The following RUFY2 variants were observed in gnomAD, a reference collection of about 807,000 sequenced individuals.
RUFY2 encodes RUN and FYVE domain containing 2.
RUFY2 carries 49 observed loss-of-function variants against 94.4 expected under a neutral mutation model. The observed-to-expected ratio is 0.52, with a 90% CI of 0.41 to 0.66. The LOEUF (loss-of-function observed/expected upper bound fraction) is 0.66, where lower values mean the gene tolerates loss of function less well. Among genes scored for constraint, RUFY2 ranks in the 30% least tolerant of loss-of-function variants. The probability of loss-of-function intolerance (pLI) is 0.00; values close to 1 mark genes in which losing one functional copy is unlikely to be tolerated. For missense variants in RUFY2, 541 were observed against 692.8 expected, an observed-to-expected ratio of 0.78 and a Z score of 2.46; for synonymous variants, 255 against 235.7, an observed-to-expected ratio of 1.08 and a Z score of -0.75.
downstream of RUFY2, chr10:68,341,271 A>G: frequency 6.2e-7 from 1 of 1,605,758 alleles, no homozygotes. Context: ...ACACATGAAG[A>G]TGCAGTAGCT....
chr10:68,407,019 C>A, intron 1 of RUFY2, 167 bp downstream of exon 1: 2 of 1,486,968 alleles, frequency 1.3e-6, no homozygotes, highest in African/African-American at 1.4e-5. Flanking sequence ...GCCATGACGA[C>A]CCCGGGAGCC....
chr10:68,405,184 G>GCGGCTGTAGTCCCAGCTACT (rs2051177644), intron 1 of RUFY2, among the ~76,000 whole-genome samples: 1 of 151,898 alleles, frequency 6.6e-6, no homozygotes, highest in African/African-American at 2.4e-5. Context: ...ATGGTGGTGC[G>GCGGCTGTAGTCCCAGCTACT]CGGCTGTAGT....
chr10:68,406,069 G>A (rs1390567255), intron 1 of RUFY2, among the ~76,000 whole-genome samples: 1 of 151,874 alleles, frequency 6.6e-6, no homozygotes, highest in Non-Finnish European at 1.5e-5. Context: ...AAACACAGAT[G>A]ACAAAACTAA....
At chr10:68,394,169 G>C in intron 5 of RUFY2, 33 bp from the exon 6 acceptor site, 1 of 1,481,232 alleles carries the variant, frequency 6.8e-7, no homozygotes, top group Non-Finnish European at 9.0e-7. Context: ...TAATTTAAAG[G>C]GGAGAAAATA....
intron 16 of RUFY2, 31 bp downstream of exon 16, chr10:68,355,322 C>T (rs779765720): frequency 1.3e-6 from 2 of 1,546,920 alleles, no homozygotes; most frequent in Non-Finnish European, 1.8e-6. Context: ...CTTTCACATA[C>T]CTTCCCACTT....
At chr10:68,377,010 C>A in intron 12 of RUFY2, 38 bp from the exon 13 acceptor site, 1 of 1,611,698 alleles carries the variant, frequency 6.2e-7, no homozygotes, top group Non-Finnish European at 8.5e-7. Context: ...AAAACTGAGG[C>A]TAGAACTAGG....
At chr10:68,391,460 G>C (rs532382359) in intron 7 of RUFY2, among the ~76,000 whole-genome samples, 236 of 151,774 alleles carry the variant, frequency 1.6e-3, no homozygotes, top group Non-Finnish European at 2.9e-3. Context: ...ACCAGCCTGA[G>C]CAACATGGTG....
At chr10:68,392,687 C>T (rs2050089687) in intron 7 of RUFY2, among the ~76,000 whole-genome samples, 1 of 151,492 alleles carries the variant, frequency 6.6e-6, no homozygotes, top group Non-Finnish European at 1.5e-5. Context: ...CTTTGGGAGG[C>T]CAAGGCGGGC....
chr10:68,345,620 A>G lies in RUFY2; in HGVS notation c.*148T>C. 1.6e-6 allele frequency: 1 copy of G among 612,832 alleles called. No homozygotes were observed. The highest frequency in any genetic ancestry group is 2.8e-6 in the Non-Finnish European group (1 of 360,010). 38.0% of individuals were successfully genotyped at this position (612,832 alleles called of 1,614,324 possible). A position where few individuals can be genotyped will look rare whatever the true frequency, so the allele number is the denominator to read the frequency against. On this transcript the variant is annotated 3_prime_UTR_variant, in exon 18 of 18. Coordinates refer to ENST00000602465, the MANE Select transcript of RUFY2 (RefSeq NM_001330103.2). Reference sequence around the variant, plus strand: ...ATGGGGAAGGAAATATATAACTTGTAATTTCCATGAGCTGAATATGTAGAA... The same window carrying G: ...ATGGGGAAGGAAATATATAACTTGTGATTTCCATGAGCTGAATATGTAGAA...
In RUFY2 at chr10:68,379,603, G is replaced by A. The variant is rs534726599; in HGVS notation, c.1108-82C>T. 579 of 963,396 alleles carry A rather than the reference G, an allele frequency of 6.0e-4. 2 individuals carry two copies. The African/African-American group carries it at 7.9e-3, about 13-fold the overall frequency. The allele number at this position is 963,396 out of a possible 1,614,324, so 59.7% of individuals were successfully genotyped here. A position where few individuals can be genotyped will look rare whatever the true frequency, so the allele number is the denominator to read the frequency against. ...TGTGTGTGTGTGCGTGTTTTTAATA[G>A]ATAGGGTATCACTATGCAGCCCAGG... On this transcript the variant is annotated intron_variant, in intron 11 of 17. Transcript: ENST00000602465.
At chr10:68,363,852 T>C (rs1275920471) in intron 14 of RUFY2, 132 bp downstream of exon 14, 1 of 850,378 alleles carries the variant, frequency 1.2e-6, no homozygotes, top group East Asian at 2.7e-5. Flanking sequence ...TCCATTTACT[T>C]AATCTCTTTA....
chr10:68,366,796 TAATA>T (rs1441622680), intron 13 of RUFY2, among the ~76,000 whole-genome samples: 70 of 16,728 alleles, frequency 4.2e-3, no homozygotes, highest in African/African-American at 0.01. Flanking sequence ...TAATAATATA[TAATA>T]TATATAATAT....
intron 4 of RUFY2, among the ~76,000 whole-genome samples, chr10:68,395,314 G>T (rs534754781): frequency 7.6e-4 from 116 of 151,722 alleles, no homozygotes; most frequent in African/African-American, 2.7e-3. Context: ...CTCCAGCCTG[G>T]GCAACAGAAC....
intron 13 of RUFY2, among the ~76,000 whole-genome samples, chr10:68,376,119 A>G (rs1012898401): frequency 1.4e-4 from 21 of 147,688 alleles, no homozygotes; most frequent in Non-Finnish European, 3.1e-4. Flanking sequence ...AAAAAAAAAA[A>G]GTTGATTTAA....
At chr10:68,351,919 T>G (rs2046705903) in intron 16 of RUFY2, among the ~76,000 whole-genome samples, 1 of 151,336 alleles carries the variant, frequency 6.6e-6, no homozygotes, top group Non-Finnish European at 1.5e-5. Context: ...TAGCTGGGCA[T>G]GGTGGTGGGT....
chr10:68,407,017 G>A (rs1370803943), intron 1 of RUFY2, 169 bp downstream of exon 1: 20 of 1,489,556 alleles, frequency 1.3e-5, no homozygotes, highest in Non-Finnish European at 1.7e-5. Context: ...TTGCCATGAC[G>A]ACCCCGGGAG....
intron 11 of RUFY2, among the ~76,000 whole-genome samples, chr10:68,380,016 G>A (rs1251875403): frequency 6.6e-6 from 1 of 151,864 alleles, no homozygotes; most frequent in Non-Finnish European, 1.5e-5. Context: ...CACTGTGTTA[G>A]TCAGGATGGT....
chr10:68,389,407 A>G (rs2049807099), intron 7 of RUFY2, among the ~76,000 whole-genome samples: 1 of 151,098 alleles, frequency 6.6e-6, no homozygotes, highest in Non-Finnish European at 1.5e-5. Flanking sequence ...CCTAGCCAAT[A>G]TGGTGAAACC....
chr10:68,389,314 C>A (rs765591951), intron 7 of RUFY2, among the ~76,000 whole-genome samples: 1 of 152,132 alleles, frequency 6.6e-6, no homozygotes, highest in Non-Finnish European at 1.5e-5. Context: ...TGAACTGGGC[C>A]GGCCACGGTG....
Sources: allele counts gnomAD v4.1 joint callset (sites outside exome capture counted in the v4.1 genomes callset), GRCh38; gene constraint gnomAD v4.1.1; transcripts MANE v1.5; gene names NCBI Gene and HGNC (gene_info 2026-07-23, HGNC 2026-07-21).